The following LAMA4 variants were observed in gnomAD, a reference collection of about 807,000 sequenced individuals.
LAMA4 encodes the protein laminin subunit alpha 4.
A neutral mutation model predicts 207.1 loss-of-function variants in LAMA4; 127 were observed. That is an observed-to-expected ratio of 0.61 (90% confidence interval 0.53 to 0.71). LAMA4 has a LOEUF of 0.71. Ranked by LOEUF, LAMA4 falls within the 30% of genes least tolerant of loss-of-function variation. The pLI, the probability that LAMA4 is intolerant of heterozygous loss-of-function variation, is 0.00. For missense variants in LAMA4, 2,093 were observed against 2,246.5 expected (o/e 0.93, Z 1.38); for synonymous variants, 761 against 816.0 (o/e 0.93, Z 1.15).
chr6:112,160,991 A>T (rs1554338268), intron 13 of LAMA4, among the ~76,000 whole-genome samples: 1 of 151,842 alleles, frequency 6.6e-6, no homozygotes, highest in Non-Finnish European at 1.5e-5. Context: ...AATTCTCATG[A>T]CCCCCAACCT....
intron 6 of LAMA4, among the ~76,000 whole-genome samples, chr6:112,189,688 T>C (rs1343327740): frequency 6.6e-6 from 1 of 152,174 alleles, no homozygotes; most frequent in Non-Finnish European, 1.5e-5. Context: ...CCAGGAGCGA[T>C]TCTTGGCTCC....
At chr6:112,119,021 T>G in intron 34 of LAMA4, 135 bp downstream of exon 34, 1 of 861,378 alleles carries the variant, frequency 1.2e-6, no homozygotes, top group Non-Finnish European at 1.9e-6. Context: ...GTACTTACTT[T>G]GATATCCCAT....
chr6:112,133,041 A>G (rs1554330420), intron 27 of LAMA4, 151 bp from the exon 28 acceptor site: 32 of 827,564 alleles, frequency 3.9e-5, no homozygotes, highest in African/African-American at 1.7e-5. Flanking sequence ...TCAGGCATAC[A>G]CTAGGAGCTC....
At chr6:112,128,859 G>A in intron 31 of LAMA4, 63 bp downstream of exon 31, 3 of 1,425,740 alleles carry the variant, frequency 2.1e-6, no homozygotes, top group Non-Finnish European at 3.0e-6. Flanking sequence ...AAACAGCAGT[G>A]TCTAGAACTG....
chr6:112,188,742 G>T (rs1330073715), intron 7 of LAMA4: 3 of 193,112 alleles, frequency 1.6e-5, no homozygotes, highest in Non-Finnish European at 3.2e-5. Flanking sequence ...GTTTCCCCAG[G>T]TGTTGTAAAT....
chr6:112,214,604 C>T (rs549424377), intron 3 of LAMA4, among the ~76,000 whole-genome samples: 24 of 152,148 alleles, frequency 1.6e-4, no homozygotes, highest in African/African-American at 2.9e-4. Flanking sequence ...TATTTTTCTC[C>T]GGACAGGATG....
intron 22 of LAMA4, 52 bp downstream of exon 22, chr6:112,140,708 A>G (rs575937719): frequency 1.3e-6 from 2 of 1,562,902 alleles, no homozygotes; most frequent in African/African-American, 1.4e-5. Flanking sequence ...TGGATTTATA[A>G]AAACAATTAC....
chr6:112,178,255 C>T, intron 9 of LAMA4, 23 bp from the exon 10 acceptor site: 1 of 1,529,620 alleles, frequency 6.5e-7, no homozygotes, highest in Non-Finnish European at 9.1e-7. Flanking sequence ...CGTATAAAGG[C>T]TAGATTAAAT....
chr6:112,184,236 A>G (rs1389891556), intron 9 of LAMA4, among the ~76,000 whole-genome samples: 4 of 151,570 alleles, frequency 2.6e-5, no homozygotes, highest in Non-Finnish European at 5.9e-5. Context: ...ATTTTTGTTG[A>G]TCATGAGAAT....
chr6:112,230,646 G>A (rs145280426), intron 2 of LAMA4, among the ~76,000 whole-genome samples: 2 of 152,262 alleles, frequency 1.3e-5, no homozygotes, highest in East Asian at 3.9e-4. Flanking sequence ...TCTCCTGAGT[G>A]AGCTGCCATT....
At position 112,191,994 on chromosome 6, in the gene LAMA4, A is replaced by C. The variant is rs534610557; in HGVS notation, c.504-144T>G. 3.0e-5 allele frequency: 23 copies of C among 763,102 alleles called. No individual in the cohort carries two copies. The East Asian group carries it at 5.6e-4, about 19-fold the overall frequency. 47.3% of individuals were successfully genotyped at this position (763,102 alleles called of 1,614,324 possible). ...ATTTGCACTCTCTCATCTTCTTCAT[A>C]GGACCAGATTTCGTTTTTAAGGAAC... On this transcript the variant is annotated intron_variant, in intron 5 of 38. Coordinates refer to ENST00000230538, the MANE Select transcript of LAMA4 (RefSeq NM_001105206.3).
At chr6:112,249,762 G>A (rs1211998670) in intron 2 of LAMA4, among the ~76,000 whole-genome samples, 1 of 152,170 alleles carries the variant, frequency 6.6e-6, no homozygotes, top group Non-Finnish European at 1.5e-5. Flanking sequence ...TCAGCTATGA[G>A]CCATACTATT....
intron 38 of LAMA4, among the ~76,000 whole-genome samples, chr6:112,110,314 A>G (rs1777624080): frequency 6.6e-6 from 1 of 152,256 alleles, no homozygotes; most frequent in Non-Finnish European, 1.5e-5. Flanking sequence ...GAGCTTAGAA[A>G]TATAAAATTA....
intron 2 of LAMA4, among the ~76,000 whole-genome samples, chr6:112,237,801 C>G (rs1170084701): frequency 6.6e-6 from 1 of 152,212 alleles, no homozygotes; most frequent in Non-Finnish European, 1.5e-5. Context: ...CAGACCACAG[C>G]TAGCATCCAA....
At chr6:112,196,582 G>GT (rs1344343338) in intron 5 of LAMA4, 1 of 152,158 alleles carries the variant, frequency 6.6e-6, no homozygotes, top group Non-Finnish European at 1.5e-5. Context: ...TTCCTACTGG[G>GT]ATGAGGATGA....
At chr6:112,248,066 C>T (rs1787128392) in intron 2 of LAMA4, among the ~76,000 whole-genome samples, 1 of 152,052 alleles carries the variant, frequency 6.6e-6, no homozygotes, top group Non-Finnish European at 1.5e-5. Flanking sequence ...ATTGTTGTTG[C>T]CAGGGGCTGG....
chr6:112,186,059 A>G (rs1554346558), intron 8 of LAMA4, among the ~76,000 whole-genome samples: 1 of 152,202 alleles, frequency 6.6e-6, no homozygotes, highest in African/African-American at 2.4e-5. Context: ...TCACACCAAG[A>G]TTCTATCCAG....
At chr6:112,169,063 G>A (rs541454848) in intron 12 of LAMA4, among the ~76,000 whole-genome samples, 1 of 152,338 alleles carries the variant, frequency 6.6e-6, no homozygotes, top group South Asian at 2.1e-4. Flanking sequence ...ATGGGTGGCT[G>A]AGGAATTTAC....
At chr6:112,200,071 A>G (rs1783644707) in intron 5 of LAMA4, 1 of 529,244 alleles carries the variant, frequency 1.9e-6, no homozygotes, top group Non-Finnish European at 3.9e-6. Flanking sequence ...TTTGAGCAAA[A>G]GCCATTTTAT....
Sources: gnomAD v4.1 joint callset for allele counts (sites outside exome capture counted in the v4.1 genomes callset) on GRCh38, gnomAD v4.1.1 for gene constraint, MANE v1.5 for transcripts, NCBI Gene and HGNC (gene_info 2026-07-23, HGNC 2026-07-21) for gene names.